Variants in ERICH5 observed in about 807,000 individuals in gnomAD.
The protein encoded by ERICH5 is glutamate rich 5, also known as glutamate-rich protein 5.
A neutral mutation model predicts 28.0 loss-of-function variants in ERICH5; 24 were observed. The ratio of observed to expected loss-of-function variants is 0.86; its 90% CI spans 0.62 to 1.21. The LOEUF (loss-of-function observed/expected upper bound fraction) is 1.21. Ranked by LOEUF, ERICH5 falls within the 50% of genes most tolerant of loss-of-function variation. The pLI is 0.00. For missense variants in ERICH5, 421 were observed against 441.2 expected (o/e 0.95, Z 0.41); for synonymous variants, 163 against 157.6 (o/e 1.03, Z -0.25).
At chr8:98,092,025 T>TCCTTCCTTCC (rs58823485) in intron 2 of ERICH5, among the ~76,000 whole-genome samples, 38 of 146,200 alleles carry the variant, frequency 2.6e-4, no homozygotes, top group East Asian at 5.9e-4. Context: ...CTTCCTTCCT[T>TCCTTCCTTCC]TCGAGACAAG....
At chr8:98,066,176 T>C (rs1814816947) in intron 1 of ERICH5, among the ~76,000 whole-genome samples, 1 of 152,224 alleles carries the variant, frequency 6.6e-6, no homozygotes, top group Non-Finnish European at 1.5e-5. Context: ...GCAAGGAGTT[T>C]CTCCGATGTT....
At position 98,075,785 on chromosome 8, in the gene ERICH5, C is replaced by CTTTTTTTTTTTTTTTTT. The variant is rs1296283210; in HGVS notation, c.58+11061_58+11077dup. Reference sequence around the variant, plus strand: ...TAACTCCCATCTCAAGCACACCTGCCTTTTTTTTTTTTTTTTTTTGAGACA... The same window carrying CTTTTTTTTTTTTTTTTT: ...TAACTCCCATCTCAAGCACACCTGCCTTTTTTTTTTTTTTTTTTTTTTTTTTTTTTTTTTTTGAGACA... On this transcript the variant is annotated intron_variant, in intron 1 of 2. Coordinates refer to ENST00000318528, the MANE Select transcript of ERICH5 (RefSeq NM_173549.3). 1.4e-3 allele frequency among the ~76,000 whole-genome samples: 111 copies of CTTTTTTTTTTTTTTTTT among 81,640 alleles called. 20 individuals carry two copies. The highest frequency in any genetic ancestry group is 3.1e-3 in the East Asian group (7 of 2,278). The allele number at this position is 81,640 out of a possible 152,430, so 53.6% of individuals were successfully genotyped here. A position where few individuals can be genotyped will look rare whatever the true frequency, so the allele number is the denominator to read the frequency against.
intron 1 of ERICH5, among the ~76,000 whole-genome samples, chr8:98,075,656 G>C (rs1186227167): frequency 6.6e-6 from 1 of 151,024 alleles, no homozygotes; most frequent in East Asian, 1.9e-4. Flanking sequence ...TGGCTTTCAG[G>C]GTGCACAGAG....
chr8:98,073,432 CTATATATATATATATATA>C lies in ERICH5; in HGVS notation c.58+8715_58+8732del, dbSNP rs1185025027. ...TCTCTCTCTCTCTCTCTCTCTCTCTCTATATATATATATATATATATATATATGTATATATATATATAT... is the reference window on the plus strand; with the variant it reads ...TCTCTCTCTCTCTCTCTCTCTCTCTCTATATATATGTATATATATATATAT... On this transcript the variant is annotated intron_variant, in intron 1 of 2. Coordinates refer to ENST00000318528, the MANE Select transcript of ERICH5 (RefSeq NM_173549.3). Among the ~76,000 whole-genome samples, 2 of 15,040 alleles carry C rather than the reference CTATATATATATATATATA, an allele frequency of 1.3e-4. 1 individual carries two copies. The highest frequency in any genetic ancestry group is 4.9e-4 in the African/African-American group (2 of 4,050). 9.9% of individuals were successfully genotyped at this position (15,040 alleles called of 152,430 possible).
chr8:98,085,995 T>C (rs1815270729), intron 1 of ERICH5, among the ~76,000 whole-genome samples: 1 of 152,240 alleles, frequency 6.6e-6, no homozygotes, highest in Non-Finnish European at 1.5e-5. Flanking sequence ...CGTAAACTGC[T>C]TTTGTACATC....
Position 98,093,511 on chromosome 8 carries a change from A to C in ERICH5, c.*178A>C. 1 of 460,274 alleles carries C rather than the reference A, an allele frequency of 2.2e-6. No individual in the cohort carries two copies. The allele number at this position is 460,274 out of a possible 1,614,324, so 28.5% of individuals were successfully genotyped here. ...TGTGTTCTTGATTATATTGTTCTGC[A>C]AAACTGCTAAGCCATGAACAGTTTT... On this transcript the variant is annotated 3_prime_UTR_variant, in exon 3 of 3. Transcript: ENST00000318528.
intron 1 of ERICH5, among the ~76,000 whole-genome samples, chr8:98,077,135 A>G (rs1401556803): frequency 6.6e-6 from 1 of 152,036 alleles, no homozygotes; most frequent in Non-Finnish European, 1.5e-5. Context: ...TTCCTCAACT[A>G]TATAATGGGG....
intron 2 of ERICH5, among the ~76,000 whole-genome samples, chr8:98,091,838 TTCTTTCTTTCTTTC>T (rs1563759377): frequency 1.8e-3 from 94 of 52,108 alleles, no homozygotes; most frequent in Admixed American, 3.9e-3. Context: ...CTTTTTCTTT[TTCTTTCTTTCTTTC>T]TTTCTTTCTT....
At position 98,080,296 on chromosome 8, in the gene ERICH5, A is replaced by G. The variant is rs369842263; in HGVS notation, c.59-8780A>G. On this transcript the variant is annotated intron_variant, in intron 1 of 2. Coordinates refer to ENST00000318528, the MANE Select transcript of ERICH5 (RefSeq NM_173549.3). Reference sequence around the variant, plus strand: ...GGAAACAGATCCAGAGAGGTTAGGAACTAACTTGTCCAGATTGCACAGGTA... The same window carrying G: ...GGAAACAGATCCAGAGAGGTTAGGAGCTAACTTGTCCAGATTGCACAGGTA... Among the ~76,000 whole-genome samples, 58 of 152,356 alleles carry G rather than the reference A, an allele frequency of 3.8e-4. 1 individual carries two copies. The South Asian group carries it at 0.011, about 29-fold the overall frequency.
Position 98,089,125 on chromosome 8 carries a change from T to C in ERICH5, c.108T>C (p.Phe36=). ...CTGCAGAAGAAAGTGAGTCCTGCTT[T>C]GCCCAACCAAAGCCACATGCACTGG... is the stretch of plus-strand genomic sequence containing the variant. ...FSTAEESESC[F]AQPKPHALGR... Residue 36 remains phenylalanine, a synonymous_variant, in exon 2 of 3, where the codon TTT becomes TTC. Coordinates refer to ENST00000318528, the MANE Select transcript of ERICH5 (RefSeq NM_173549.3). 6.2e-7 allele frequency: 1 copy of C among 1,614,156 alleles called. No homozygotes were observed.
rs1563759732 is a variant in ERICH5, at chr8:98,091,955, T to TCTTTC, written c.1013-1265_1013-1261dup. On this transcript the variant is annotated intron_variant, in intron 2 of 2. Coordinates refer to ENST00000318528, the MANE Select transcript of ERICH5 (RefSeq NM_173549.3). ...TTTCTTCCTTTCTTTCTTTCTTCTT[T>TCTTTC]CTTTCTTTTTTCTTTCTTTTTCTTC... Among the ~76,000 whole-genome samples, 155 of 124,956 alleles carry TCTTTC rather than the reference T, an allele frequency of 1.2e-3. 2 individuals carry two copies. Among genetic ancestry groups the TCTTTC allele is most frequent in the African/African-American group, 4.4e-3 (149 of 34,026 alleles). The allele number at this position is 124,956 out of a possible 152,430, so 82.0% of individuals were successfully genotyped here. A position where few individuals can be genotyped will look rare whatever the true frequency, so the allele number is the denominator to read the frequency against.
At chr8:98,078,426 C>T (rs1815099869) in intron 1 of ERICH5, among the ~76,000 whole-genome samples, 2 of 152,156 alleles carry the variant, frequency 1.3e-5, no homozygotes, top group Non-Finnish European at 2.9e-5. Context: ...CCCTTCCTTA[C>T]AAATTCGCTC....
chr8:98,091,856 CTTTCTT>C (rs1815395008), intron 2 of ERICH5, among the ~76,000 whole-genome samples: 1 of 85,528 alleles, frequency 1.2e-5, no homozygotes. Context: ...TTCTTTCTTT[CTTTCTT>C]TCTTTCTTTC....
chr8:98,091,938 TTTCTTTCTTTC>T (rs1371441697), intron 2 of ERICH5, among the ~76,000 whole-genome samples: 22,633 of 67,236 alleles, frequency 0.34, 3,740 homozygotes, highest in Non-Finnish European at 0.38. Flanking sequence ...TCTTTCTTCC[TTTCTTTCTTTC>T]TTCTTTCTTT....
intron 2 of ERICH5, among the ~76,000 whole-genome samples, chr8:98,091,896 CTTTCCTTT>C (rs1324710715): frequency 3.0e-4 from 15 of 50,786 alleles, no homozygotes; most frequent in Admixed American, 4.7e-4. Flanking sequence ...TTCTTTCTTT[CTTTCCTTT>C]CTTTCTTTCT....
chr8:98,067,563 C>T lies in ERICH5; in HGVS notation c.58+2836C>T, dbSNP rs532018087. ...GATCCCCATTAGGTGTGTGGTCACC[C>T]ACTATCTAAAAACAATGAAATCAAT... On this transcript the variant is annotated intron_variant, in intron 1 of 2. Coordinates refer to ENST00000318528, the MANE Select transcript of ERICH5 (RefSeq NM_173549.3). 1.3e-4 allele frequency among the ~76,000 whole-genome samples: 20 copies of T among 151,970 alleles called. No homozygotes were observed. The South Asian group carries it at 3.9e-3, about 30-fold the overall frequency.
intron 1 of ERICH5, among the ~76,000 whole-genome samples, chr8:98,070,660 C>CAAAAAAAAAAAAAAAAAAAA (rs769042472): frequency 1.1e-3 from 44 of 38,740 alleles, no homozygotes; most frequent in Non-Finnish European, 1.5e-3. Flanking sequence ...AACTGCATCT[C>CAAAAAAAAAAAAAAAAAAAA]AAAAAAAAAA....
chr8:98,089,307 A>G lies in ERICH5; in HGVS notation c.290A>G (p.Gln97Arg). Reference protein sequence around the residue: ...DVAPGRDATDQSGSTEKTQPG... With the variant: ...DVAPGRDATDRSGSTEKTQPG... ...GCCCCTGGAAGGGATGCCACAGACC[A>G]ATCAGGGTCCACAGAAAAGACTCAG... Residue 97 changes from glutamine to arginine, a missense_variant, in exon 2 of 3, where the codon CAA becomes CGA. Physicochemically the swap from Gln to Arg is conservative, Grantham distance 43 (BLOSUM62 1). Transcript: ENST00000318528. The G allele has an allele frequency of 6.2e-7, 1 of 1,614,270 alleles. No homozygotes were observed. The highest frequency in any genetic ancestry group is 8.5e-7 in the Non-Finnish European group (1 of 1,180,052).
chr8:98,073,486 GTATA>G (rs1474561796), intron 1 of ERICH5, among the ~76,000 whole-genome samples: 8 of 3,950 alleles, frequency 2.0e-3, no homozygotes, highest in South Asian at 0.042. Context: ...ATATATATAT[GTATA>G]TATATATATA....
Sources: allele counts gnomAD v4.1 joint callset (sites outside exome capture counted in the v4.1 genomes callset), GRCh38; gene constraint gnomAD v4.1.1; transcripts MANE v1.5; gene names NCBI Gene and HGNC (gene_info 2026-07-23, HGNC 2026-07-21).